Variants in ADGRA3 observed in about 807,000 individuals in gnomAD.
The protein encoded by ADGRA3 is G-protein coupled receptor 125.
In ADGRA3, 56 loss-of-function variants were observed where a neutral mutation model predicts 119.8. The ratio of observed to expected loss-of-function variants is 0.47; its 90% CI spans 0.38 to 0.58. The LOEUF (loss-of-function observed/expected upper bound fraction) is 0.58, where lower values mean the gene tolerates loss of function less well. Ranked by LOEUF, ADGRA3 falls within the 20% of genes least tolerant of loss-of-function variation. ADGRA3 has a pLI of 0.00. For synonymous variants in ADGRA3, 607 were observed against 623.8 expected (o/e 0.97, Z 0.40); for missense variants, 1,516 against 1,649.0 (o/e 0.92, Z 1.40).
chr4:22,393,869 A>G (rs565837294), intron 16 of ADGRA3: 1 of 152,324 alleles, frequency 6.6e-6, no homozygotes, highest in South Asian at 2.1e-4. Context: ...CATGGGATAT[A>G]ATAGGTGCTC....
chr4:22,470,948 C>T (rs1428635399), intron 2 of ADGRA3, among the ~76,000 whole-genome samples: 2 of 152,152 alleles, frequency 1.3e-5, no homozygotes, highest in East Asian at 1.9e-4. Flanking sequence ...GGTAGTTATC[C>T]ACCATCTGCT....
intron 4 of ADGRA3, among the ~76,000 whole-genome samples, chr4:22,454,303 C>T (rs1356041856): frequency 6.6e-6 from 1 of 152,042 alleles, no homozygotes. Flanking sequence ...CTTTGAGCTA[C>T]TATTAATCCT....
intron 1 of ADGRA3, among the ~76,000 whole-genome samples, chr4:22,484,460 C>T (rs1718358675): frequency 6.6e-6 from 1 of 151,984 alleles, no homozygotes; most frequent in Admixed American, 6.6e-5. Context: ...CAAAAATTAT[C>T]CGGGCGTGTT....
In ADGRA3 at chr4:22,445,080, C is replaced by T. The variant is rs147390035; in HGVS notation, c.599G>A (p.Arg200His). 549 of 1,613,882 alleles carry T rather than the reference C, an allele frequency of 3.4e-4. 8 individuals carry two copies. In the East Asian group the frequency reaches 0.012, roughly 34 times the overall value. ...CGTGATGTTCTTCTCCTTTACCCAG[C>T]GATGCATCCACAGTATGTTACAGTC... ...LCDCNILWMH[R>H]WVKEKNITVR... The change falls in exon 6 of 19, where the codon CGC becomes CAC. Residue 200 changes from arginine to histidine, a missense_variant. Arg to His is a conservative substitution (Grantham distance 29). Transcript: ENST00000334304.
intron 1 of ADGRA3, among the ~76,000 whole-genome samples, chr4:22,486,008 G>A (rs1377113912): frequency 1.3e-5 from 2 of 152,148 alleles, no homozygotes; most frequent in African/African-American, 4.8e-5. Flanking sequence ...ATGCTGTTAA[G>A]AAAATCCATT....
chr4:22,388,294 T>A lies in ADGRA3; in HGVS notation c.3377A>T (p.His1126Leu). The A allele has an allele frequency of 6.2e-7, 1 of 1,614,130 alleles. No homozygotes were observed. The highest frequency in any genetic ancestry group is 1.3e-5 in the African/African-American group (1 of 75,038). Residue 1126 changes from histidine to leucine, a missense_variant, in exon 19 of 19, where the codon CAT (histidine) becomes CTT (leucine). Physicochemically the swap from His to Leu is moderately conservative, Grantham distance 99. Coordinates refer to ENST00000334304, the MANE Select transcript of ADGRA3 (RefSeq NM_145290.4). ...TNLQAAAAQC[H>L]ANSLPLNSTP... ...GGAGTTCAAAGGTAAAGAATTGGCA[T>A]GGCACTGAGCTGCAGCCGCCTGCAA...
intron 7 of ADGRA3, among the ~76,000 whole-genome samples, chr4:22,439,604 A>G (rs1231828780): frequency 6.6e-6 from 1 of 152,232 alleles, no homozygotes; most frequent in Non-Finnish European, 1.5e-5. Flanking sequence ...AGACACTTTT[A>G]TATTATGAAT....
intron 17 of ADGRA3, among the ~76,000 whole-genome samples, chr4:22,390,253 CAAAT>C (rs1450012717): frequency 6.7e-6 from 1 of 149,792 alleles, no homozygotes; most frequent in African/African-American, 2.5e-5. Context: ...TTCTTGTTAT[CAAAT>C]AACCCTATTT....
At chr4:22,466,033 T>A (rs1356811819) in intron 2 of ADGRA3, among the ~76,000 whole-genome samples, 5 of 152,134 alleles carry the variant, frequency 3.3e-5, no homozygotes, top group Admixed American at 2.6e-4. Context: ...CTGTGTCCGA[T>A]TCTCCATTTG....
chr4:22,511,106 T>C (rs570150380), intron 1 of ADGRA3, among the ~76,000 whole-genome samples: 4 of 152,334 alleles, frequency 2.6e-5, no homozygotes, highest in Admixed American at 2.6e-4. Flanking sequence ...AAATTACAAG[T>C]AATTTTTGTT....
chr4:22,447,256 C>T (rs73800960), intron 5 of ADGRA3, among the ~76,000 whole-genome samples, 184 bp downstream of exon 5: 5,272 of 151,956 alleles, frequency 0.035, 292 homozygotes, highest in African/African-American at 0.11. Flanking sequence ...AACAGTTGTC[C>T]TAGTCTAAAC....
At chr4:22,406,372 A>G (rs1039341550) in intron 14 of ADGRA3, among the ~76,000 whole-genome samples, 1 of 152,168 alleles carries the variant, frequency 6.6e-6, no homozygotes, top group Non-Finnish European at 1.5e-5. Context: ...CGGTAGCTCT[A>G]TTTTTAGTTT....
At chr4:22,448,015 G>T (rs1304764588) in intron 4 of ADGRA3, among the ~76,000 whole-genome samples, 1 of 152,128 alleles carries the variant, frequency 6.6e-6, no homozygotes, top group African/African-American at 2.4e-5. Context: ...AGAGACTGGG[G>T]ATATAATTCC....
intron 1 of ADGRA3, among the ~76,000 whole-genome samples, chr4:22,482,182 A>G (rs1718277954): frequency 1.3e-5 from 2 of 152,188 alleles, no homozygotes; most frequent in South Asian, 4.1e-4. Context: ...TCATTATTTG[A>G]AATCACTCTG....
rs1404660498 is a variant in ADGRA3, at chr4:22,388,028, C to T, written c.3643G>A (p.Glu1215Lys). 4 of 1,614,010 alleles carry T rather than the reference C, an allele frequency of 2.5e-6. No individual in the cohort carries two copies. Among genetic ancestry groups the T allele is most frequent in the Non-Finnish European group, 2.5e-6 (3 of 1,180,020 alleles). ...GLPKSRLGNN[E>K]GHSRSRRAYL... is the part of the protein sequence containing the mutation. ...GCTCTTCGGCTCCTCGAGTGTCCTT[C>T]GTTATTGCCCAGCCGGCTTTTAGGT... The change falls in exon 19 of 19, where the codon GAA (glutamate) becomes AAA (lysine). Residue 1215 changes from glutamate (E) to lysine (K), a missense_variant. Physicochemically the swap from Glu to Lys is moderately conservative, Grantham distance 56. Around this residue, in one of 2 missense-constraint regions of ADGRA3, gnomAD observed 1,088 missense variants for 1,107.1 expected, o/e 0.98. Coordinates refer to ENST00000334304, the MANE Select transcript of ADGRA3 (RefSeq NM_145290.4).
At chr4:22,493,238 T>C (rs1718694248) in intron 1 of ADGRA3, among the ~76,000 whole-genome samples, 1 of 152,178 alleles carries the variant, frequency 6.6e-6, no homozygotes, top group Admixed American at 6.5e-5. Context: ...AGCACTGGGA[T>C]TACAGGCATG....
At chr4:22,435,521 C>A in intron 9 of ADGRA3, 55 bp from the exon 10 acceptor site, 1 of 1,436,874 alleles carries the variant, frequency 7.0e-7, no homozygotes, top group Non-Finnish European at 9.5e-7. Context: ...AAATGATCAA[C>A]ACAATCCTGA....
At chr4:22,422,219 G>A (rs1351566280) in intron 11 of ADGRA3, among the ~76,000 whole-genome samples, 1 of 152,092 alleles carries the variant, frequency 6.6e-6, no homozygotes, top group African/African-American at 2.4e-5. Flanking sequence ...CCACAGGCAA[G>A]GCACCATTCT....
intron 14 of ADGRA3, among the ~76,000 whole-genome samples, chr4:22,409,993 C>T (rs1302726234): frequency 6.6e-6 from 1 of 152,006 alleles, no homozygotes; most frequent in East Asian, 1.9e-4. Context: ...ATTATTTAAA[C>T]AAAAACATCA....
Sources: gnomAD v4.1 joint callset for allele counts (sites outside exome capture counted in the v4.1 genomes callset) on GRCh38, gnomAD v4.1.1 for gene constraint, gnomAD v4.1.1 regional missense constraint, MANE v1.5 for transcripts, NCBI Gene and HGNC (gene_info 2026-07-23, HGNC 2026-07-21) for gene names.